SNTG1: variants seen among roughly 807,000 people sequenced by gnomAD.
SNTG1 encodes the protein gamma-1-syntrophin.
In SNTG1, 39 loss-of-function variants were observed where a neutral mutation model predicts 74.7. The observed-to-expected ratio is 0.52, with a 90% CI of 0.40 to 0.68. The LOEUF is 0.68. SNTG1 is among the 30% of genes least tolerant of loss of function. The probability of loss-of-function intolerance (pLI) is 0.00; values close to 1 mark genes in which losing one functional copy is unlikely to be tolerated. For synonymous variants in SNTG1, 254 were observed against 217.1 expected, an observed-to-expected ratio of 1.17 and a Z score of -1.49; for missense variants, 685 against 609.5, an observed-to-expected ratio of 1.12 and a Z score of -1.30.
At position 50,402,264 on chromosome 8, in the gene SNTG1, C is replaced by T. The variant is rs144283676; in HGVS notation, c.82C>T (p.Arg28Trp). 18 of 1,612,968 alleles carry T rather than the reference C, an allele frequency of 1.1e-5. No individual in the cohort carries two copies. Among genetic ancestry groups the T allele is most frequent in the African/African-American group, 2.7e-5 (2 of 74,738 alleles). ...TGGTAACCAGGAGCCTTTCAAAGTG[C>T]GGCTGCACCTAGCCAAAGACATTTT... is the stretch of plus-strand genomic sequence containing the variant. ...QDGNQEPFKVRLHLAKDILMI... is the reference protein window; with the variant it reads ...QDGNQEPFKVWLHLAKDILMI... The change falls in exon 4 of 19, where the codon CGG (arginine) becomes TGG (tryptophan). Residue 28 changes from arginine (R) to tryptophan (W), a missense_variant. By Grantham distance (101) the Arg-to-Trp change is moderately radical (BLOSUM62 -3). Coordinates refer to ENST00000642720, the MANE Select transcript of SNTG1 (RefSeq NM_018967.5).
At chr8:50,152,775 C>G (rs2082114150) in intron 1 of SNTG1, among the ~76,000 whole-genome samples, 1 of 152,220 alleles carries the variant, frequency 6.6e-6, no homozygotes, top group Non-Finnish European at 1.5e-5. Context: ...GAGAGATCAG[C>G]TGTTAGTCTG....
chr8:50,675,359 A>G (rs891806648), intron 15 of SNTG1, among the ~76,000 whole-genome samples: 3 of 152,218 alleles, frequency 2.0e-5, no homozygotes, highest in East Asian at 1.9e-4. Flanking sequence ...TTGGGTGCAT[A>G]TATATTTAGG....
chr8:50,736,184 C>T (rs1348346200), intron 17 of SNTG1, among the ~76,000 whole-genome samples: 1 of 151,902 alleles, frequency 6.6e-6, no homozygotes, highest in African/African-American at 2.4e-5. Flanking sequence ...ATTGTAAAGG[C>T]CATCGAGACT....
chr8:50,609,033 A>G (rs942075069), intron 13 of SNTG1, among the ~76,000 whole-genome samples: 1 of 152,056 alleles, frequency 6.6e-6, no homozygotes, highest in Admixed American at 6.6e-5. Context: ...ATGCATGTAT[A>G]AACTCAACAG....
At chr8:50,311,557 TG>T (rs1163365357) in intron 2 of SNTG1, among the ~76,000 whole-genome samples, 8 of 152,240 alleles carry the variant, frequency 5.3e-5, no homozygotes, top group Non-Finnish European at 8.8e-5. Context: ...TCTTAAAATA[TG>T]TATTTTTGAT....
chr8:50,313,192 T>A (rs1022794721), intron 2 of SNTG1, among the ~76,000 whole-genome samples: 2 of 149,928 alleles, frequency 1.3e-5, no homozygotes, highest in African/African-American at 5.0e-5. Context: ...AAATGTAAGA[T>A]CTGAAACTAT....
chr8:49,910,144 T>C (rs1292307226), upstream of SNTG1, among the ~76,000 whole-genome samples: 1 of 152,168 alleles, frequency 6.6e-6, no homozygotes. Flanking sequence ...GAAGCAAGCG[T>C]GGGAGGAAAG....
intron 8 of SNTG1, among the ~76,000 whole-genome samples, chr8:50,464,336 C>T (rs367672026): frequency 1.3e-5 from 2 of 152,104 alleles, no homozygotes; most frequent in Non-Finnish European, 2.9e-5. Flanking sequence ...TTCCAATACC[C>T]CTTCCTCACT....
At chr8:50,295,787 T>C (rs2089334711) in intron 2 of SNTG1, among the ~76,000 whole-genome samples, 1 of 152,184 alleles carries the variant, frequency 6.6e-6, no homozygotes, top group South Asian at 2.1e-4. Context: ...AAGATACATA[T>C]GATGTGTACT....
chr8:50,458,094 G>T (rs1427863558), intron 8 of SNTG1: 2 of 152,046 alleles, frequency 1.3e-5, no homozygotes, highest in Non-Finnish European at 2.9e-5. Context: ...TGTACCCAAC[G>T]CTGTCAATTT....
At chr8:50,750,535 G>A (rs1052083734) in intron 17 of SNTG1, among the ~76,000 whole-genome samples, 9 of 151,874 alleles carry the variant, frequency 5.9e-5, no homozygotes, top group African/African-American at 2.2e-4. Flanking sequence ...GTCAATCAAT[G>A]CAGCAGACTT....
chr8:50,517,005 C>T lies in SNTG1; in HGVS notation c.467-13172C>T, dbSNP rs192052388. Among the ~76,000 whole-genome samples the T allele has an allele frequency of 1.6e-4, 25 of 152,010 alleles. 1 individual carries two copies. The highest frequency in any genetic ancestry group is 7.8e-4 in the East Asian group (4 of 5,146). On this transcript the variant is annotated intron_variant, in intron 9 of 18. Coordinates refer to ENST00000642720, the MANE Select transcript of SNTG1 (RefSeq NM_018967.5). ...AGACACATAGTCATCAGATTCAACA[C>T]GGTTGAAATGAAGGAAAAAATGTTA... is the stretch of plus-strand genomic sequence containing the variant.
intron 2 of SNTG1, among the ~76,000 whole-genome samples, chr8:50,260,510 AAC>A (rs10649962): frequency 3.5e-5 from 5 of 143,486 alleles, no homozygotes; most frequent in African/African-American, 5.1e-5. Context: ...TCCAGCTTTT[AAC>A]ACACACACAC....
In SNTG1 at chr8:50,573,147, G is replaced by A. The variant is rs576626202; in HGVS notation, c.811-17732G>A. Among the ~76,000 whole-genome samples, 19 of 152,178 alleles carry A rather than the reference G, an allele frequency of 1.2e-4. No homozygotes were observed. In the South Asian group the frequency reaches 2.7e-3, roughly 22 times the overall value. ...CTTAAAGGCATTTAAATTCAGAAAA[G>A]AGGAATATTTTTAAAGGAAGATTTG... On this transcript the variant is annotated intron_variant, in intron 12 of 18. Transcript: ENST00000642720.
chr8:49,913,996 G>A (rs564298553), intron 1 of SNTG1, among the ~76,000 whole-genome samples: 1 of 152,238 alleles, frequency 6.6e-6, no homozygotes, highest in Admixed American at 6.5e-5. Flanking sequence ...AGGAGATTTA[G>A]TCACAGAAAT....
intron 1 of SNTG1, among the ~76,000 whole-genome samples, chr8:50,067,634 G>A (rs1036878397): frequency 5.9e-5 from 9 of 152,150 alleles, no homozygotes; most frequent in African/African-American, 2.2e-4. Flanking sequence ...TATGACTCAT[G>A]TATTATTTTT....
intron 1 of SNTG1, among the ~76,000 whole-genome samples, chr8:50,036,764 A>G (rs1029948249): frequency 6.6e-6 from 1 of 152,230 alleles, no homozygotes; most frequent in Non-Finnish European, 1.5e-5. Context: ...CTTCGGCTGA[A>G]GTAAGCATTC....
chr8:50,683,217 T>A (rs1474436702), intron 15 of SNTG1, among the ~76,000 whole-genome samples: 2 of 152,264 alleles, frequency 1.3e-5, no homozygotes, highest in Non-Finnish European at 2.9e-5. Context: ...AGCCCCCAAA[T>A]AAAACACTTT....
intron 1 of SNTG1, among the ~76,000 whole-genome samples, chr8:50,066,487 T>C (rs1381610254): frequency 2.0e-5 from 3 of 152,108 alleles, no homozygotes; most frequent in Non-Finnish European, 4.4e-5. Flanking sequence ...TAGTAATACT[T>C]AGGATAACAA....
Sources: allele counts gnomAD v4.1 joint callset (sites outside exome capture counted in the v4.1 genomes callset), GRCh38; gene constraint gnomAD v4.1.1; transcripts MANE v1.5; gene names NCBI Gene and HGNC (gene_info 2026-07-23, HGNC 2026-07-21).